Variants in PXDNL observed in about 807,000 individuals in gnomAD.
PXDNL encodes peroxidasin like, also known as probable oxidoreductase PXDNL.
A neutral mutation model predicts 150.8 loss-of-function variants in PXDNL; 145 were observed. The observed-to-expected ratio is 0.96, with a 90% confidence interval of 0.84 to 1.10. The LOEUF is 1.10. PXDNL is among the 50% of genes least tolerant of loss of function. The pLI, the probability that PXDNL is intolerant of heterozygous loss-of-function variation, is 0.00. For synonymous variants in PXDNL, 757 were observed against 725.7 expected, an observed-to-expected ratio of 1.04 and a Z score of -0.69; for missense variants, 2,087 against 1,873.9, an observed-to-expected ratio of 1.11 and a Z score of -2.10.
intron 2 of PXDNL, among the ~76,000 whole-genome samples, chr8:51,624,219 C>A (rs1814318725): frequency 6.6e-6 from 1 of 152,042 alleles, no homozygotes; most frequent in Non-Finnish European, 1.5e-5. Context: ...ATCCACCTGA[C>A]CCCAGATACT....
Position 51,472,260 on chromosome 8 carries a change from A to T in PXDNL, c.739T>A (p.Ser247Thr), listed in dbSNP as rs773646465. The T allele has an allele frequency of 7.4e-6, 12 of 1,613,536 alleles. No homozygotes were observed. The highest frequency in any genetic ancestry group is 4.4e-5 in the South Asian group (4 of 91,060). Residue 247 changes from serine (S) to threonine (T), a missense_variant, in exon 8 of 23, where the codon TCA becomes ACA. Coordinates refer to ENST00000356297, the MANE Select transcript of PXDNL (RefSeq NM_144651.5). ...CAGGTGAAGTAGACGGTATTTCCTG[A>T]TGGTACCTCCACATCCTGCGGCTCA... ...TFEPQDVEVP[S>T]GNTVYFTCRA...
chr8:51,742,047 A>C (rs2130954548), intron 1 of PXDNL, among the ~76,000 whole-genome samples: 1 of 152,366 alleles, frequency 6.6e-6, no homozygotes, highest in East Asian at 1.9e-4. Context: ...ATACCATGGA[A>C]TATTACTCAG....
intron 1 of PXDNL, among the ~76,000 whole-genome samples, chr8:51,718,093 T>C (rs530243938): frequency 2.2e-4 from 34 of 152,304 alleles, no homozygotes; most frequent in Non-Finnish European, 4.3e-4. Context: ...AATGTCTTGC[T>C]TTTGACACAG....
chr8:51,703,941 T>C (rs1468717254), intron 1 of PXDNL, among the ~76,000 whole-genome samples: 1 of 152,214 alleles, frequency 6.6e-6, no homozygotes, highest in Non-Finnish European at 1.5e-5. Context: ...TTTATCTGTG[T>C]TTTAGTTGGG....
At chr8:51,692,027 C>T (rs981322250) in intron 1 of PXDNL, among the ~76,000 whole-genome samples, 1 of 152,196 alleles carries the variant, frequency 6.6e-6, no homozygotes, top group African/African-American at 2.4e-5. Context: ...TAGACTCGTG[C>T]TGTTGCAAGT....
chr8:51,320,025 GA>G lies in PXDNL; in HGVS notation c.4261-4del. On this transcript the variant is annotated splice_region_variant and splice_polypyrimidine_tract_variant and intron_variant, in intron 22 of 22. Coordinates refer to ENST00000356297, the MANE Select transcript of PXDNL (RefSeq NM_144651.5). ...ACCACACAGGTGACCTGGCCACTCT[GA>G]AAGGCAGCATGCACATATCACCTCC... 6.7e-7 allele frequency: 1 copy of G among 1,496,216 alleles called. No homozygotes were observed. Among genetic ancestry groups the G allele is most frequent in the Non-Finnish European group, 8.9e-7 (1 of 1,123,456 alleles). 92.7% of individuals were successfully genotyped at this position (1,496,216 alleles called of 1,614,324 possible). A position where few individuals can be genotyped will look rare whatever the true frequency, so the allele number is the denominator to read the frequency against.
chr8:51,534,229 A>G (rs146598964), intron 4 of PXDNL, among the ~76,000 whole-genome samples: 51,418 of 123,594 alleles, frequency 0.42, 14,372 homozygotes, highest in African/African-American at 0.81. Flanking sequence ...TCTGAGAAGT[A>G]AGGAAACCCT....
At chr8:51,797,392 T>C (rs1053619558) in intron 1 of PXDNL, among the ~76,000 whole-genome samples, 2 of 152,220 alleles carry the variant, frequency 1.3e-5, no homozygotes, top group African/African-American at 4.8e-5. Flanking sequence ...ATGTCTCTGT[T>C]TGCAGATGAC....
At chr8:51,578,331 G>A (rs1402186248) in intron 3 of PXDNL, among the ~76,000 whole-genome samples, 1 of 151,798 alleles carries the variant, frequency 6.6e-6, no homozygotes, top group African/African-American at 2.4e-5. Flanking sequence ...CTAGTTTCTG[G>A]CAATGAAAAT....
chr8:51,386,773 C>T (rs1474199168), intron 17 of PXDNL, among the ~76,000 whole-genome samples: 1 of 150,956 alleles, frequency 6.6e-6, no homozygotes, highest in Non-Finnish European at 1.5e-5. Context: ...GCCAAGATAG[C>T]ACCACTGCAC....
intron 1 of PXDNL, among the ~76,000 whole-genome samples, chr8:51,749,803 C>T (rs996193837): frequency 2.6e-5 from 4 of 152,232 alleles, no homozygotes; most frequent in East Asian, 1.9e-4. Context: ...CTGGTTCAAG[C>T]GATTCTCCTG....
chr8:51,647,930 A>G (rs1814954220), intron 2 of PXDNL, among the ~76,000 whole-genome samples: 2 of 152,208 alleles, frequency 1.3e-5, no homozygotes, highest in Non-Finnish European at 2.9e-5. Flanking sequence ...ATTTTTTAAT[A>G]TCAAGAAAAG....
intron 2 of PXDNL, among the ~76,000 whole-genome samples, chr8:51,653,584 G>A (rs1451993238): frequency 1.3e-5 from 2 of 152,138 alleles, no homozygotes. Context: ...GTAAAACAAA[G>A]AATAAACCCT....
chr8:51,381,429 T>A (rs1807535568), intron 17 of PXDNL, among the ~76,000 whole-genome samples: 1 of 152,186 alleles, frequency 6.6e-6, no homozygotes, highest in Non-Finnish European at 1.5e-5. Flanking sequence ...AACAATATTT[T>A]GTTAGGTAAG....
intron 4 of PXDNL, among the ~76,000 whole-genome samples, chr8:51,520,485 C>T (rs560005302): frequency 6.0e-4 from 92 of 152,100 alleles, no homozygotes; most frequent in Admixed American, 2.4e-3. Flanking sequence ...AGACATAGGC[C>T]CGCCATGCAC....
At chr8:51,790,947 T>C (rs1206730307) in intron 1 of PXDNL, among the ~76,000 whole-genome samples, 1 of 151,838 alleles carries the variant, frequency 6.6e-6, no homozygotes, top group Non-Finnish European at 1.5e-5. Context: ...CAGAATCTTT[T>C]AGAATTTACC....
At chr8:51,541,765 C>T (rs980550754) in intron 4 of PXDNL, among the ~76,000 whole-genome samples, 2 of 152,122 alleles carry the variant, frequency 1.3e-5, no homozygotes, top group Admixed American at 6.5e-5. Flanking sequence ...GCATGGAAAC[C>T]ACCTCTGGAA....
chr8:51,689,462 CATT>C lies in PXDNL; in HGVS notation c.165-34705_165-34703del, dbSNP rs1311285086. Among the ~76,000 whole-genome samples the C allele has an allele frequency of 3.9e-5, 6 of 152,180 alleles. No homozygotes were observed. In the East Asian group the frequency reaches 1.2e-3, roughly 29 times the overall value. On this transcript the variant is annotated intron_variant, in intron 1 of 22. Transcript: ENST00000356297. Reference sequence around the variant, plus strand: ...CAAATCTTTCTATCCTCTTTTGACTCATTAGTTTACTTTGCTTGGGGAAGTGGT... The same window carrying C: ...CAAATCTTTCTATCCTCTTTTGACTCAGTTTACTTTGCTTGGGGAAGTGGT...
intron 17 of PXDNL, among the ~76,000 whole-genome samples, chr8:51,376,410 C>T (rs530499338): frequency 2.0e-5 from 3 of 152,254 alleles, no homozygotes; most frequent in African/African-American, 7.2e-5. Context: ...TTTCCAAGTG[C>T]CTGCTTGAAT....
Sources: allele counts gnomAD v4.1 joint callset (sites outside exome capture counted in the v4.1 genomes callset), GRCh38; gene constraint gnomAD v4.1.1; transcripts MANE v1.5; gene names NCBI Gene and HGNC (gene_info 2026-07-23, HGNC 2026-07-21).